The following SNTG2 variants were observed in gnomAD, a reference collection of about 807,000 sequenced individuals.
SNTG2 encodes syntrophin gamma 2, also known as gamma-2-syntrophin.
In SNTG2, 74 loss-of-function variants were observed where a neutral mutation model predicts 70.9. The ratio of observed to expected loss-of-function variants is 1.04; its 90% CI spans 0.86 to 1.27. The LOEUF is 1.27. SNTG2 is among the 50% of genes most tolerant of loss of function. SNTG2 has a pLI of 0.00. For synonymous variants in SNTG2, 278 were observed against 273.8 expected, an observed-to-expected ratio of 1.02 and a Z score of -0.15; for missense variants, 717 against 690.7, an observed-to-expected ratio of 1.04 and a Z score of -0.43.
At chr2:1,297,583 C>T (rs1031399653) in intron 14 of SNTG2, among the ~76,000 whole-genome samples, 1 of 151,670 alleles carries the variant, frequency 6.6e-6, no homozygotes, top group Non-Finnish European at 1.5e-5. Flanking sequence ...CAGCTCCTTC[C>T]CAGCGGCCCA....
intron 14 of SNTG2, 54 bp from the exon 15 acceptor site, chr2:1,308,440 A>C: frequency 6.7e-7 from 1 of 1,489,640 alleles, no homozygotes. Flanking sequence ...TACCTAATTA[A>C]AGTTAAACAG....
At chr2:1,167,836 C>T (rs1260466343) in intron 7 of SNTG2, among the ~76,000 whole-genome samples, 39 of 124,214 alleles carry the variant, frequency 3.1e-4, no homozygotes, top group Non-Finnish European at 4.7e-4. Context: ...CGCCCACAGA[C>T]GACAGAACTG....
chr2:966,566 T>A (rs549541559), intron 1 of SNTG2, among the ~76,000 whole-genome samples: 2 of 152,304 alleles, frequency 1.3e-5, no homozygotes, highest in Non-Finnish European at 2.9e-5. Flanking sequence ...TATAAGGAAA[T>A]TTTTCAAAAT....
chr2:1,191,013 A>G (rs1672561228), intron 8 of SNTG2, among the ~76,000 whole-genome samples: 1 of 152,218 alleles, frequency 6.6e-6, no homozygotes, highest in South Asian at 2.1e-4. Context: ...AGAGACATGC[A>G]GCAAAATTCA....
chr2:1,079,997 G>C (rs1340188687), intron 1 of SNTG2, among the ~76,000 whole-genome samples: 1 of 152,228 alleles, frequency 6.6e-6, no homozygotes, highest in Admixed American at 6.5e-5. Flanking sequence ...CCACGCATCT[G>C]CCACTTGGGG....
chr2:1,146,155 C>G (rs1350884624), intron 6 of SNTG2, among the ~76,000 whole-genome samples: 1 of 152,124 alleles, frequency 6.6e-6, no homozygotes, highest in Non-Finnish European at 1.5e-5. Flanking sequence ...ACAAGGATGT[C>G]TCTTCTCATC....
At chr2:1,328,314 G>T (rs1443151898) in intron 16 of SNTG2, among the ~76,000 whole-genome samples, 1 of 152,112 alleles carries the variant, frequency 6.6e-6, no homozygotes, top group Non-Finnish European at 1.5e-5. Flanking sequence ...CATGCATGCA[G>T]ATACAACATA....
intron 4 of SNTG2, among the ~76,000 whole-genome samples, chr2:1,109,730 A>G (rs904858909): frequency 3.3e-5 from 5 of 152,208 alleles, no homozygotes; most frequent in African/African-American, 9.7e-5. Context: ...ATTAATGGTA[A>G]TAAATAATTT....
intron 1 of SNTG2, among the ~76,000 whole-genome samples, chr2:998,398 C>CG (rs1448690614): frequency 2.7e-5 from 4 of 150,446 alleles, no homozygotes; most frequent in East Asian, 1.9e-4. Flanking sequence ...AGAAAGAAAT[C>CG]GGAAAAAAAT....
intron 13 of SNTG2, among the ~76,000 whole-genome samples, chr2:1,265,216 G>A (rs35272826): frequency 0.22 from 34,045 of 152,172 alleles, 5,430 homozygotes; most frequent in African/African-American, 0.45. Context: ...GGTTTGTGAC[G>A]TGTAACCCTA....
chr2:1,182,436 GA>G (rs1421185767), intron 8 of SNTG2, among the ~76,000 whole-genome samples: 3 of 148,678 alleles, frequency 2.0e-5, no homozygotes, highest in Non-Finnish European at 4.4e-5. Flanking sequence ...AAGGGTATAG[GA>G]AAAAAGTCTC....
intron 16 of SNTG2, among the ~76,000 whole-genome samples, chr2:1,325,634 TG>T (rs922680958): frequency 1.1e-4 from 16 of 152,254 alleles, no homozygotes; most frequent in Admixed American, 8.5e-4. Context: ...TCGTTCATTT[TG>T]TTAATAAGAT....
At chr2:1,286,136 G>T (rs909343130) in intron 14 of SNTG2, among the ~76,000 whole-genome samples, 1 of 152,132 alleles carries the variant, frequency 6.6e-6, no homozygotes, top group African/African-American at 2.4e-5. Flanking sequence ...TGGTGGCAGG[G>T]TTCCTCCTTC....
At chr2:1,059,210 C>T (rs1029674491) in intron 1 of SNTG2, 2 of 152,226 alleles carry the variant, frequency 1.3e-5, no homozygotes, top group South Asian at 2.1e-4. Flanking sequence ...CAATGGACTC[C>T]TGGCACCTTC....
At chr2:952,674 C>G (rs1160411396) in intron 1 of SNTG2, among the ~76,000 whole-genome samples, 1 of 151,712 alleles carries the variant, frequency 6.6e-6, no homozygotes, top group African/African-American at 2.4e-5. Context: ...TTTTTTTTAG[C>G]GTTGGAGGCC....
chr2:1,286,969 G>A (rs182062304), intron 14 of SNTG2, among the ~76,000 whole-genome samples: 87 of 152,294 alleles, frequency 5.7e-4, no homozygotes, highest in African/African-American at 2.0e-3. Context: ...TCCTCGGCAG[G>A]CTCTTCACTC....
chr2:1,052,899 G>A (rs867114327), intron 1 of SNTG2, among the ~76,000 whole-genome samples: 2 of 152,164 alleles, frequency 1.3e-5, no homozygotes, highest in South Asian at 2.1e-4. Flanking sequence ...TTTGAAAGTC[G>A]TAAGCTCACA....
chr2:951,298 G>A (rs1327347365), intron 1 of SNTG2, among the ~76,000 whole-genome samples: 2 of 152,252 alleles, frequency 1.3e-5, no homozygotes, highest in Non-Finnish European at 2.9e-5. Context: ...AAACTTGCAG[G>A]CTTTGCTCCT....
intron 1 of SNTG2, among the ~76,000 whole-genome samples, chr2:1,015,784 C>T (rs552801803): frequency 2.9e-4 from 44 of 152,296 alleles, no homozygotes; most frequent in African/African-American, 1.0e-3. Context: ...GAATTGAAGA[C>T]GCGCCTTTGG....
Sources: allele counts gnomAD v4.1 joint callset (sites outside exome capture counted in the v4.1 genomes callset), GRCh38; gene constraint gnomAD v4.1.1; transcripts MANE v1.5; gene names NCBI Gene and HGNC (gene_info 2026-07-23, HGNC 2026-07-21).